The following ACO1 variants were observed in gnomAD, a reference collection of about 807,000 sequenced individuals.
ACO1 encodes the protein cytoplasmic aconitate hydratase.
In ACO1, 78 loss-of-function variants were observed where a neutral mutation model predicts 105.1. The observed-to-expected ratio is 0.74, with a 90% CI of 0.62 to 0.90. The LOEUF is 0.90. Among genes scored for constraint, ACO1 ranks in the 40% least tolerant of loss-of-function variants. The probability of loss-of-function intolerance (pLI) is 0.00; values close to 1 mark genes in which losing one functional copy is unlikely to be tolerated. For synonymous variants in ACO1, 364 were observed against 397.4 expected, an observed-to-expected ratio of 0.92 and a Z score of 1.00; for missense variants, 965 against 1,111.1, an observed-to-expected ratio of 0.87 and a Z score of 1.87.
chr9:32,409,338 G>A (rs890509582), intron 4 of ACO1, among the ~76,000 whole-genome samples: 1 of 152,184 alleles, frequency 6.6e-6, no homozygotes, highest in African/African-American at 2.4e-5. Flanking sequence ...TGCAAGAGCT[G>A]AGCAGATAAA....
At chr9:32,413,441 G>T (rs562333811) in intron 4 of ACO1, among the ~76,000 whole-genome samples, 1 of 149,180 alleles carries the variant, frequency 6.7e-6, no homozygotes, top group South Asian at 2.1e-4. Context: ...CTGAGATTGT[G>T]CCACTGCACT....
chr9:32,408,793 C>T (rs955039228), intron 4 of ACO1, 142 bp downstream of exon 4: 8 of 984,706 alleles, frequency 8.1e-6, no homozygotes, highest in South Asian at 2.3e-5. Context: ...ATATACATTT[C>T]GCAGTAAAGA....
chr9:32,436,416 T>C lies in ACO1; in HGVS notation c.2247+19T>C, dbSNP rs1822363684. The C allele has an allele frequency of 6.2e-7, 1 of 1,611,498 alleles. No homozygotes were observed. Among genetic ancestry groups the C allele is most frequent in the Non-Finnish European group, 8.5e-7 (1 of 1,178,232 alleles). On this transcript the variant is annotated intron_variant, in intron 18 of 20. Coordinates refer to ENST00000309951, the MANE Select transcript of ACO1 (RefSeq NM_002197.3). ...GGAAATCGTGAGTATTGTCTTCTGC[T>C]TCCTGCAGACACTAGCATTTGTCAG...
In ACO1 at chr9:32,448,983, C is replaced by A. The variant is rs1221286676; in HGVS notation, c.2458C>A (p.Pro820Thr). Reference sequence around the variant, plus strand: ...GGGTGTGATCCCACTTGAATATCTCCCTGGTGAGAATGCAGATGCCCTGGG... The same window carrying A: ...GGGTGTGATCCCACTTGAATATCTCACTGGTGAGAATGCAGATGCCCTGGG... ...GMGVIPLEYLPGENADALGLT... is the reference protein window; with the variant it reads ...GMGVIPLEYLTGENADALGLT... Residue 820 changes from proline (P) to threonine (T), a missense_variant, in exon 20 of 21, where the codon CCT (proline) becomes ACT (threonine). Transcript: ENST00000309951. The A allele has an allele frequency of 2.5e-6, 4 of 1,613,898 alleles. No individual in the cohort carries two copies. Among genetic ancestry groups the A allele is most frequent in the Admixed American group, 1.7e-5 (1 of 60,006 alleles).
rs755419191 is a variant in ACO1, at chr9:32,450,153, C to T, written c.*42C>T. ...GCTGCGCCCAGGGAGGAAGCCGCAC[C>T]ACCAGCCAGCGCAGGCCCTGGTGGA... On this transcript the variant is annotated 3_prime_UTR_variant, in exon 21 of 21. Transcript: ENST00000309951. 2.6e-6 allele frequency: 4 copies of T among 1,524,200 alleles called. No individual in the cohort carries two copies. In the South Asian group the frequency reaches 4.5e-5, roughly 17 times the overall value. 94.4% of individuals were successfully genotyped at this position (1,524,200 alleles called of 1,614,324 possible). A position where few individuals can be genotyped will look rare whatever the true frequency, so the allele number is the denominator to read the frequency against.
intron 15 of ACO1, 25 bp downstream of exon 15, chr9:32,431,868 G>T: frequency 6.2e-7 from 1 of 1,612,664 alleles, no homozygotes; most frequent in African/African-American, 1.3e-5. Context: ...TGCCCTCCCC[G>T]CCCCAGAGGA....
chr9:32,426,310 T>C (rs924452852), intron 11 of ACO1, among the ~76,000 whole-genome samples: 3 of 152,142 alleles, frequency 2.0e-5, no homozygotes, highest in African/African-American at 4.8e-5. Flanking sequence ...AAAAATAAAG[T>C]GTTACCACAG....
At chr9:32,401,164 A>G (rs1379681028) in intron 1 of ACO1, among the ~76,000 whole-genome samples, 2 of 151,768 alleles carry the variant, frequency 1.3e-5, no homozygotes, top group African/African-American at 4.9e-5. Flanking sequence ...ATCATCAGAA[A>G]CCTAAATTTA....
intron 20 of ACO1, 86 bp downstream of exon 20, chr9:32,449,167 T>G: frequency 7.5e-7 from 1 of 1,338,334 alleles, no homozygotes; most frequent in Non-Finnish European, 1.0e-6. Context: ...ATTAGTGAGG[T>G]TTAGAAGGCA....
chr9:32,434,638 A>C lies in ACO1; in HGVS notation c.2036A>C (p.His679Pro), dbSNP rs1245832258. ...TTGGGAGATTCGGTAACAACTGACC[A>C]CATCTCCCCAGCTGGAAATATTGCA... ...LNLGDSVTTD[H>P]ISPAGNIARN... The change falls in exon 17 of 21, where the codon CAC (histidine) becomes CCC (proline). Residue 679 changes from histidine (H) to proline (P), a missense_variant. Coordinates refer to ENST00000309951, the MANE Select transcript of ACO1 (RefSeq NM_002197.3). 1 of 1,614,134 alleles carries C rather than the reference A, an allele frequency of 6.2e-7. No homozygotes were observed. Among genetic ancestry groups the C allele is most frequent in the Non-Finnish European group, 8.5e-7 (1 of 1,179,998 alleles).
chr9:32,404,614 C>T (rs1291241550), intron 1 of ACO1, among the ~76,000 whole-genome samples: 2 of 152,232 alleles, frequency 1.3e-5, no homozygotes, highest in African/African-American at 2.4e-5. Context: ...TAGATGGGCA[C>T]AGATCACCCA....
rs1286744587 is a variant in ACO1 at position 32,453,751 on chromosome 9, T to C, written c.*3640T>C. ...ATGTAGGAGCAATGCAGAGCCACTT[T>C]TGAAAAACAGTAGCCAAGGTTCTAC... On this transcript the variant is annotated 3_prime_UTR_variant, in exon 21 of 21. Transcript: ENST00000309951. The C allele has an allele frequency of 1.3e-5, 2 of 152,220 alleles. No individual in the cohort carries two copies. The highest frequency in any genetic ancestry group is 6.5e-5 in the Admixed American group (1 of 15,284). 9.4% of individuals were successfully genotyped at this position (152,220 alleles called of 1,614,324 possible).
At chr9:32,443,274 TA>T (rs903933924) in intron 19 of ACO1, among the ~76,000 whole-genome samples, 1 of 151,762 alleles carries the variant, frequency 6.6e-6, no homozygotes, top group African/African-American at 2.4e-5. Context: ...AAAGTTAATG[TA>T]AAAAAAACGC....
chr9:32,449,963 TC>T (rs1822720283), intron 20 of ACO1, 34 bp from the exon 21 acceptor site: 1 of 1,568,838 alleles, frequency 6.4e-7, no homozygotes, highest in African/African-American at 1.4e-5. Flanking sequence ...TCTCGCCACC[TC>T]CCTCAATGAT....
Position 32,436,296 on chromosome 9 carries a change from G to A in ACO1, c.2146G>A (p.Asp716Asn). ...FNSYGSRRGN[D>N]AVMARGTFAN... ...CTCCTATGGCTCCCGCCGAGGTAAT[G>A]ACGCCGTCATGGCACGGGGAACATT... is the stretch of plus-strand genomic sequence containing the variant. Residue 716 changes from aspartate to asparagine, a missense_variant, in exon 18 of 21, where the codon GAC becomes AAC. Transcript: ENST00000309951. The A allele has an allele frequency of 1.2e-6, 2 of 1,614,152 alleles. No individual in the cohort carries two copies. The highest frequency in any genetic ancestry group is 1.7e-6 in the Non-Finnish European group (2 of 1,180,022).
chr9:32,392,361 G>C (rs986914628), intron 1 of ACO1, among the ~76,000 whole-genome samples: 1 of 152,138 alleles, frequency 6.6e-6, no homozygotes, highest in Non-Finnish European at 1.5e-5. Flanking sequence ...AAATGGGATG[G>C]TGATGCCCTT....
At position 32,419,144 on chromosome 9, in the gene ACO1, A is replaced by G. The variant is rs1659572489; in HGVS notation, c.765A>G (p.Val255=). 6.2e-7 allele frequency: 1 copy of G among 1,605,040 alleles called. No individual in the cohort carries two copies. The highest frequency in any genetic ancestry group is 1.3e-5 in the African/African-American group (1 of 74,490). Residue 255 remains valine (V), a synonymous_variant, in exon 7 of 21, where the codon GTA becomes GTG. Coordinates refer to ENST00000309951, the MANE Select transcript of ACO1 (RefSeq NM_002197.3). ...TGATGGGGAAGCCCCACCCTCTGGTAACATCCACTGACATCGTGCTCACCA... is the reference window on the plus strand; with the variant it reads ...TGATGGGGAAGCCCCACCCTCTGGTGACATCCACTGACATCGTGCTCACCA... ...YRLMGKPHPL[V]TSTDIVLTIT...
chr9:32,401,567 G>T (rs753639314), intron 1 of ACO1, among the ~76,000 whole-genome samples: 2 of 152,154 alleles, frequency 1.3e-5, no homozygotes, highest in Non-Finnish European at 2.9e-5. Flanking sequence ...GGTGTCCCTA[G>T]GGAATGGTGA....
rs1288359953 is a variant in ACO1, at chr9:32,427,294, T to C, written c.1349-7T>C. 1 of 1,614,060 alleles carries C rather than the reference T, an allele frequency of 6.2e-7. No homozygotes were observed. Among genetic ancestry groups the C allele is most frequent in the South Asian group, 1.1e-5 (1 of 91,080 alleles). Reference sequence around the variant, plus strand: ...CCCACACTGCATCTGTGTTTACCATTTCACAGGATTGTTAGCAAAGAAAGC... The same window carrying C: ...CCCACACTGCATCTGTGTTTACCATCTCACAGGATTGTTAGCAAAGAAAGC... On this transcript the variant is annotated splice_region_variant and splice_polypyrimidine_tract_variant and intron_variant, in intron 11 of 20. Transcript: ENST00000309951.
Sources: gnomAD v4.1 joint callset for allele counts (sites outside exome capture counted in the v4.1 genomes callset) on GRCh38, gnomAD v4.1.1 for gene constraint, MANE v1.5 for transcripts, NCBI Gene and HGNC (gene_info 2026-07-23, HGNC 2026-07-21) for gene names.